FHL2: variants seen among roughly 807,000 people sequenced by gnomAD.
FHL2 encodes the protein four and a half LIM domains 2.
A neutral mutation model predicts 32.7 loss-of-function variants in FHL2; 20 were observed. The ratio of observed to expected loss-of-function variants is 0.61; its 90% CI spans 0.43 to 0.89. FHL2 has a LOEUF of 0.89. Among genes scored for constraint, FHL2 ranks in the 40% least tolerant of loss-of-function variants. The pLI is 0.00. For missense variants in FHL2, 311 were observed against 358.6 expected (o/e 0.87, Z 1.07); for synonymous variants, 123 against 128.1 (o/e 0.96, Z 0.27).
chr2:105,399,069 C>T (rs1391575326), upstream of FHL2: 3 of 1,490,658 alleles, frequency 2.0e-6, no homozygotes, highest in Non-Finnish European at 2.7e-6. Context: ...TGCGCAGCTC[C>T]CGCCCTCGAG....
intron 3 of FHL2, chr2:105,374,038 G>A: frequency 2.5e-6 from 1 of 396,324 alleles, no homozygotes; most frequent in Non-Finnish European, 4.7e-6. Flanking sequence ...GCAAGAAAGA[G>A]AAACAGAAAA....
At chr2:105,378,249 C>G in intron 3 of FHL2, 2 of 463,180 alleles carry the variant, frequency 4.3e-6, no homozygotes, top group South Asian at 3.2e-5. Context: ...TTCATTGACA[C>G]GTGACACTTG....
chr2:105,358,095 T>C (rs1313807013), downstream of FHL2: 3 of 152,240 alleles, frequency 2.0e-5, no homozygotes, highest in Non-Finnish European at 4.4e-5. Context: ...GTTAAACTTC[T>C]GGCTGGTCTG....
intron 1 of FHL2, among the ~76,000 whole-genome samples, chr2:105,405,295 C>T (rs1683592681): frequency 6.6e-6 from 1 of 152,170 alleles, no homozygotes; most frequent in Non-Finnish European, 1.5e-5. Context: ...TCTGTGCAAA[C>T]CTGGCAAAAT....
chr2:105,411,288 T>A (rs997198964), intron 1 of FHL2, among the ~76,000 whole-genome samples: 1 of 152,220 alleles, frequency 6.6e-6, no homozygotes, highest in African/African-American at 2.4e-5. Flanking sequence ...GAGTTTGTTT[T>A]AAAAAGTAAC....
chr2:105,396,619 G>A (rs780680923), intron 2 of FHL2, 28 bp downstream of exon 2: 1 of 1,604,568 alleles, frequency 6.2e-7, no homozygotes, highest in South Asian at 1.1e-5. Context: ...CACAATTTAG[G>A]ATAACAGAGG....
chr2:105,425,507 AG>A (rs951171183), intron 1 of FHL2, among the ~76,000 whole-genome samples: 2 of 151,864 alleles, frequency 1.3e-5, no homozygotes, highest in Non-Finnish European at 2.9e-5. Context: ...GATTAGTAAA[AG>A]AGGAAAGCCT....
intron 1 of FHL2, among the ~76,000 whole-genome samples, chr2:105,414,544 TGTTTG>T (rs541301122): frequency 6.6e-6 from 1 of 152,108 alleles, no homozygotes; most frequent in Non-Finnish European, 1.5e-5. Context: ...TAAAGGTTTT[TGTTTG>T]GTTTGGTTTG....
At chr2:105,396,183 T>C (rs1292892915) in intron 2 of FHL2, among the ~76,000 whole-genome samples, 8 of 152,178 alleles carry the variant, frequency 5.3e-5, no homozygotes, top group African/African-American at 1.4e-4. Context: ...ATCGCAATGA[T>C]TTAGCTCACA....
chr2:105,437,079 C>G (rs1403793207), intron 1 of FHL2, among the ~76,000 whole-genome samples: 3 of 152,110 alleles, frequency 2.0e-5, no homozygotes, highest in Non-Finnish European at 4.4e-5. Flanking sequence ...AACAATGAAA[C>G]CTAAAAGTAC....
At chr2:105,417,574 C>T (rs1683969633) in intron 1 of FHL2, among the ~76,000 whole-genome samples, 2 of 150,602 alleles carry the variant, frequency 1.3e-5, no homozygotes, top group Admixed American at 1.3e-4. Context: ...GTCCCAGCTA[C>T]TCAGGAGGCT....
At chr2:105,434,720 C>A (rs1684537287) in intron 1 of FHL2, among the ~76,000 whole-genome samples, 1 of 152,010 alleles carries the variant, frequency 6.6e-6, no homozygotes, top group Non-Finnish European at 1.5e-5. Flanking sequence ...ACCTATAGTG[C>A]TGTTGTATTA....
intron 2 of FHL2, among the ~76,000 whole-genome samples, chr2:105,393,773 G>A (rs1682906128): frequency 2.0e-5 from 3 of 152,238 alleles, no homozygotes. Context: ...AACATGTAAT[G>A]TGGTTTGGCA....
chr2:105,428,551 C>A (rs569720143), intron 1 of FHL2, among the ~76,000 whole-genome samples: 7 of 152,364 alleles, frequency 4.6e-5, no homozygotes, highest in Non-Finnish European at 8.8e-5. Flanking sequence ...GGAGGACCGT[C>A]TACTACCCTC....
chr2:105,373,490 G>C (rs548560034), intron 4 of FHL2, 69 bp downstream of exon 4: 1 of 1,545,582 alleles, frequency 6.5e-7, no homozygotes, highest in South Asian at 1.1e-5. Context: ...TGTGAACAGG[G>C]GGTCAGAGGA....
chr2:105,404,900 C>T (rs781159474), intron 1 of FHL2, among the ~76,000 whole-genome samples: 2 of 152,184 alleles, frequency 1.3e-5, no homozygotes, highest in African/African-American at 4.8e-5. Context: ...TGACTTTTAG[C>T]CAAATCCACA....
chr2:105,395,998 G>A (rs1683100707), intron 2 of FHL2, among the ~76,000 whole-genome samples: 2 of 152,152 alleles, frequency 1.3e-5, no homozygotes, highest in African/African-American at 2.4e-5. Context: ...CAGAGAGCAT[G>A]TTTTACAGCA....
chr2:105,361,111 T>C lies in FHL2; in HGVS notation c.*172A>G, dbSNP rs758826156. 1 of 586,132 alleles carries C rather than the reference T, an allele frequency of 1.7e-6. No homozygotes were observed. The highest frequency in any genetic ancestry group is 2.8e-6 in the Non-Finnish European group (1 of 355,010). 36.3% of individuals were successfully genotyped at this position (586,132 alleles called of 1,614,324 possible). ...GGCGAGTTTTCTCTTTCCCTGGGAC[T>C]GAACTATCACAAAGCACTAAAGGGT... On this transcript the variant is annotated 3_prime_UTR_variant, in exon 7 of 7. Coordinates refer to ENST00000530340, the MANE Select transcript of FHL2 (RefSeq NM_001318895.3).
At position 105,361,352 on chromosome 2, in the gene FHL2, T is replaced by C; in HGVS notation, c.771A>G (p.Ser257=). The change falls in exon 7 of 7, where the codon TCA becomes TCG. Residue 257 remains serine (S), a synonymous_variant. Transcript: ENST00000530340. ...CTGTGAGGAAGCCACGCCCCACCAG[T>C]GAGAGGGAGCACTTCTTACAGTTAA... ...DCFNCKKCSL[S]LVGRGFLTER... The C allele has an allele frequency of 6.2e-7, 1 of 1,614,050 alleles. No homozygotes were observed.
Sources: gnomAD v4.1 joint callset for allele counts (sites outside exome capture counted in the v4.1 genomes callset) on GRCh38, gnomAD v4.1.1 for gene constraint, MANE v1.5 for transcripts, NCBI Gene and HGNC (gene_info 2026-07-23, HGNC 2026-07-21) for gene names.